Variants in XRN2 observed in about 807,000 individuals in gnomAD.
XRN2 encodes DHM1-like protein.
In XRN2, 44 loss-of-function variants were observed where a neutral mutation model predicts 138.5. The ratio of observed to expected loss-of-function variants is 0.32; its 90% CI spans 0.25 to 0.41. XRN2 has a LOEUF of 0.41. Ranked by LOEUF, XRN2 falls within the 10% of genes least tolerant of loss-of-function variation. The pLI, the probability that XRN2 is intolerant of heterozygous loss-of-function variation, is 1.00. For missense variants in XRN2, 937 were observed against 1,169.3 expected, an observed-to-expected ratio of 0.80 and a Z score of 2.90; for synonymous variants, 354 against 369.4, an observed-to-expected ratio of 0.96 and a Z score of 0.48.
At chr20:21,358,305 C>CTGG (rs2122285481) in intron 24 of XRN2, among the ~76,000 whole-genome samples, 1 of 152,284 alleles carries the variant, frequency 6.6e-6, no homozygotes, top group South Asian at 2.1e-4. Flanking sequence ...TTTCTTCTCT[C>CTGG]TGGAAAACTA....
chr20:21,367,241 A>G (rs2038714809), intron 26 of XRN2, among the ~76,000 whole-genome samples: 1 of 152,172 alleles, frequency 6.6e-6, no homozygotes, highest in African/African-American at 2.4e-5. Context: ...TGTAGAAGAT[A>G]CTATAGAGAG....
rs2038455579 is a variant in XRN2 at position 21,347,717 on chromosome 20, CT to C, written c.1666-426del. Among the ~76,000 whole-genome samples, 3 of 152,184 alleles carry C rather than the reference CT, an allele frequency of 2.0e-5. No individual in the cohort carries two copies. In the South Asian group the frequency reaches 6.2e-4, roughly 31 times the overall value. On this transcript the variant is annotated intron_variant, in intron 17 of 29. Transcript: ENST00000377191. ...TAAAATGAAACTCATGGCTGTTTTA[CT>C]TTCAACTGCTGTTCCAATAATGTCT...
intron 24 of XRN2, among the ~76,000 whole-genome samples, chr20:21,359,308 G>A (rs1236049430): frequency 6.6e-6 from 1 of 152,120 alleles, no homozygotes; most frequent in African/African-American, 2.4e-5. Flanking sequence ...AGGGTGGTGG[G>A]TGGATCATCT....
rs374823541 is a variant in XRN2, at chr20:21,329,096, A to G, written c.427+426A>G. 5.4e-4 allele frequency among the ~76,000 whole-genome samples: 83 copies of G among 152,326 alleles called. 1 individual carries two copies. The South Asian group carries it at 0.016, about 30-fold the overall frequency. On this transcript the variant is annotated intron_variant, in intron 4 of 29. Transcript: ENST00000377191. ...CTTGCTTTTTGAAACTCAGAGGTCT[A>G]TCTGAGGAAGCCGGAGGTGATTCGA...
intron 24 of XRN2, among the ~76,000 whole-genome samples, chr20:21,365,173 C>CT (rs1448451003): frequency 2.0e-5 from 3 of 152,198 alleles, no homozygotes; most frequent in Non-Finnish European, 4.4e-5. Context: ...GGGGCAATGT[C>CT]TGTTACTTCT....
rs2038223080 is a variant in XRN2 at position 21,332,268 on chromosome 20, AT to A, written c.701-13del. The A allele has an allele frequency of 6.2e-7, 1 of 1,604,652 alleles. No individual in the cohort carries two copies. The highest frequency in any genetic ancestry group is 8.5e-7 in the Non-Finnish European group (1 of 1,176,432). ...ATACTCACTGTTCGATGTTTTTCTC[AT>A]TGTTGATTGATAGCTGATCTCATTA... On this transcript the variant is annotated splice_polypyrimidine_tract_variant and intron_variant, in intron 8 of 29. Transcript: ENST00000377191.
chr20:21,325,501 AAGTG>A (rs2038112631), intron 1 of XRN2, among the ~76,000 whole-genome samples: 1 of 152,198 alleles, frequency 6.6e-6, no homozygotes, highest in Admixed American at 6.5e-5. Flanking sequence ...AGGTGTTATA[AAGTG>A]AGTGACATTT....
chr20:21,380,290 A>G (rs993539421), intron 27 of XRN2, among the ~76,000 whole-genome samples: 2 of 152,184 alleles, frequency 1.3e-5, no homozygotes, highest in Non-Finnish European at 2.9e-5. Flanking sequence ...CACTAAACTA[A>G]TTTTGTACAT....
chr20:21,318,266 T>C (rs2037987431), intron 1 of XRN2, among the ~76,000 whole-genome samples: 1 of 152,190 alleles, frequency 6.6e-6, no homozygotes, highest in South Asian at 2.1e-4. Context: ...AGCAGTAATG[T>C]CCTGTCTCTC....
chr20:21,379,861 C>T (rs1245928222), intron 27 of XRN2, among the ~76,000 whole-genome samples: 1 of 152,186 alleles, frequency 6.6e-6, no homozygotes, highest in Non-Finnish European at 1.5e-5. Context: ...ATGGCTTCAT[C>T]TCCATTAGCA....
chr20:21,365,802 A>C (rs1408761968), intron 26 of XRN2, 98 bp downstream of exon 26: 1 of 208,876 alleles, frequency 4.8e-6, no homozygotes, highest in African/African-American at 4.3e-5. Context: ...TTTATGCCAT[A>C]TATATAATAT....
chr20:21,338,256 TC>T (rs1454657031), intron 13 of XRN2, among the ~76,000 whole-genome samples: 18 of 152,274 alleles, frequency 1.2e-4, no homozygotes, highest in African/African-American at 3.1e-4. Flanking sequence ...TCCTTGATAC[TC>T]AGGGAAACTT....
intron 1 of XRN2, chr20:21,303,941 T>G (rs987079465): frequency 1.2e-6 from 1 of 837,400 alleles, no homozygotes; most frequent in African/African-American, 1.8e-5. Context: ...CTTTTCGTTG[T>G]TTACCAATTG....
At chr20:21,304,639 A>G (rs1471904339) in intron 1 of XRN2, among the ~76,000 whole-genome samples, 1 of 152,132 alleles carries the variant, frequency 6.6e-6, no homozygotes, top group African/African-American at 2.4e-5. Context: ...GATCTGTTGA[A>G]TTCTAGCTGG....
At chr20:21,376,080 C>T (rs916937249) in intron 27 of XRN2, among the ~76,000 whole-genome samples, 4 of 152,240 alleles carry the variant, frequency 2.6e-5, no homozygotes, top group South Asian at 2.1e-4. Context: ...CCTCGTGATC[C>T]GTCCGCCTCG....
At chr20:21,351,796 T>G (rs543024074) in intron 20 of XRN2, among the ~76,000 whole-genome samples, 1 of 152,350 alleles carries the variant, frequency 6.6e-6, no homozygotes, top group East Asian at 1.9e-4. Context: ...TTCATTCTTT[T>G]GCATGTGCAT....
chr20:21,329,326 T>C (rs1459684706), intron 4 of XRN2, among the ~76,000 whole-genome samples: 1 of 152,180 alleles, frequency 6.6e-6, no homozygotes, highest in East Asian at 1.9e-4. Context: ...TCAGGGAGTG[T>C]TGATGCCAGT....
In XRN2 at chr20:21,346,527, T is replaced by C; in HGVS notation, c.1642T>C (p.Trp548Arg). ...GCAGTCGTACGTTGAAGGACTTTGC[T>C]GGGTTCTTAGATATTATTACCAGGT... ...VVQSYVEGLC[W>R]VLRYYYQGCA... The change falls in exon 17 of 30, where the codon TGG becomes CGG. Residue 548 changes from tryptophan to arginine, a missense_variant. Coordinates refer to ENST00000377191, the MANE Select transcript of XRN2 (RefSeq NM_012255.5). 6.2e-7 allele frequency: 1 copy of C among 1,614,088 alleles called. No homozygotes were observed. Among genetic ancestry groups the C allele is most frequent in the Non-Finnish European group, 8.5e-7 (1 of 1,179,912 alleles).
intron 29 of XRN2, among the ~76,000 whole-genome samples, 163 bp downstream of exon 29, chr20:21,387,169 A>G (rs889132478): frequency 1.3e-5 from 2 of 152,236 alleles, no homozygotes; most frequent in Non-Finnish European, 2.9e-5. Flanking sequence ...ATATGGGTTG[A>G]GTACCTGCTT....
Sources: gnomAD v4.1 joint callset for allele counts (sites outside exome capture counted in the v4.1 genomes callset) on GRCh38, gnomAD v4.1.1 for gene constraint, MANE v1.5 for transcripts, NCBI Gene and HGNC (gene_info 2026-07-23, HGNC 2026-07-21) for gene names.